The following GULP1 variants were observed in gnomAD, a reference collection of about 807,000 sequenced individuals.
The protein encoded by GULP1 is PTB domain-containing engulfment adapter protein 1.
In GULP1, 19 loss-of-function variants were observed where a neutral mutation model predicts 40.9. The observed-to-expected ratio is 0.46, with a 90% CI of 0.32 to 0.68. The LOEUF is 0.68. GULP1 is among the 30% of genes least tolerant of loss of function. The probability of loss-of-function intolerance (pLI) is 0.03; values close to 1 mark genes in which losing one functional copy is unlikely to be tolerated. For missense variants in GULP1, 312 were observed against 362.2 expected (o/e 0.86, Z 1.12); for synonymous variants, 119 against 117.6 (o/e 1.01, Z -0.08).
chr2:188,314,346 A>C (rs531106218), intron 1 of GULP1, among the ~76,000 whole-genome samples: 1 of 152,136 alleles, frequency 6.6e-6, no homozygotes, highest in African/African-American at 2.4e-5. Context: ...TCTCCTGTGC[A>C]AATTTTTTCT....
chr2:188,335,978 G>A (rs1264241760), intron 1 of GULP1, among the ~76,000 whole-genome samples: 3 of 152,066 alleles, frequency 2.0e-5, no homozygotes, highest in African/African-American at 7.2e-5. Context: ...CTCAGATATG[G>A]ATATCATTGT....
intron 2 of GULP1, among the ~76,000 whole-genome samples, chr2:188,431,247 A>G (rs1484342350): frequency 6.6e-6 from 1 of 152,194 alleles, no homozygotes; most frequent in East Asian, 1.9e-4. Flanking sequence ...AACCTTCAAA[A>G]TAAAACATTT....
At chr2:188,400,019 A>G (rs1314367323) in intron 2 of GULP1, among the ~76,000 whole-genome samples, 1 of 152,176 alleles carries the variant, frequency 6.6e-6, no homozygotes, top group Non-Finnish European at 1.5e-5. Flanking sequence ...GGAGGCATAG[A>G]ACTATAAACA....
At chr2:188,333,264 G>A (rs549299895) in intron 1 of GULP1, among the ~76,000 whole-genome samples, 4 of 151,692 alleles carry the variant, frequency 2.6e-5, no homozygotes, top group Non-Finnish European at 4.4e-5. Context: ...AAAAAATTTG[G>A]CAGGTATACT....
chr2:188,513,952 C>G (rs1265050963), intron 4 of GULP1, among the ~76,000 whole-genome samples: 1 of 151,386 alleles, frequency 6.6e-6, no homozygotes. Context: ...CCCATATCTG[C>G]GTGGGTTTTC....
intron 4 of GULP1, among the ~76,000 whole-genome samples, chr2:188,519,132 A>C (rs564117894): frequency 6.6e-6 from 1 of 152,316 alleles, no homozygotes; most frequent in Admixed American, 6.5e-5. Context: ...ACATTACATA[A>C]GAAAAAGTTG....
chr2:188,533,714 A>C (rs1429396784), intron 6 of GULP1, among the ~76,000 whole-genome samples: 2 of 152,182 alleles, frequency 1.3e-5, no homozygotes, highest in Non-Finnish European at 2.9e-5. Context: ...GGGATAAAGT[A>C]TTTGCAAACT....
intron 1 of GULP1, among the ~76,000 whole-genome samples, chr2:188,375,084 C>T (rs896132012): frequency 6.6e-6 from 1 of 152,184 alleles, no homozygotes; most frequent in African/African-American, 2.4e-5. Context: ...ATCTCTGAGA[C>T]TGTTTCCTCA....
intron 1 of GULP1, among the ~76,000 whole-genome samples, chr2:188,355,229 C>A (rs1040161916): frequency 9.9e-5 from 15 of 151,558 alleles, no homozygotes; most frequent in East Asian, 1.9e-4. Context: ...TAAAAAAGAT[C>A]AATGAAATGG....
intron 4 of GULP1, among the ~76,000 whole-genome samples, chr2:188,518,988 G>T (rs1238817223): frequency 6.6e-6 from 1 of 152,040 alleles, no homozygotes; most frequent in Non-Finnish European, 1.5e-5. Flanking sequence ...AAGTATTTTA[G>T]ATAGGTGTAA....
intron 1 of GULP1, among the ~76,000 whole-genome samples, chr2:188,381,645 A>C (rs933303457): frequency 6.6e-6 from 1 of 152,166 alleles, no homozygotes; most frequent in African/African-American, 2.4e-5. Context: ...TCAAAAGAAA[A>C]ATGGAAAAAC....
chr2:188,340,050 G>A (rs2042759391), intron 1 of GULP1, among the ~76,000 whole-genome samples: 1 of 152,138 alleles, frequency 6.6e-6, no homozygotes, highest in South Asian at 2.1e-4. Flanking sequence ...ATTGTTTTTT[G>A]TATTAAAATA....
intron 2 of GULP1, among the ~76,000 whole-genome samples, chr2:188,456,459 G>A (rs1030738359): frequency 1.3e-5 from 2 of 152,304 alleles, no homozygotes; most frequent in Non-Finnish European, 2.9e-5. Context: ...GCTTCAGAGG[G>A]TGCAAACTTA....
At chr2:188,456,492 G>A (rs2059278042) in intron 2 of GULP1, among the ~76,000 whole-genome samples, 1 of 152,198 alleles carries the variant, frequency 6.6e-6, no homozygotes, top group Non-Finnish European at 1.5e-5. Flanking sequence ...CTTCCACATG[G>A]TGTTGAGCCT....
chr2:188,484,508 A>G (rs1162250468), intron 4 of GULP1, among the ~76,000 whole-genome samples: 3 of 152,166 alleles, frequency 2.0e-5, no homozygotes, highest in Non-Finnish European at 2.9e-5. Flanking sequence ...TTTAAAAGCA[A>G]CTGAACTTTG....
intron 1 of GULP1, among the ~76,000 whole-genome samples, chr2:188,313,606 T>G (rs1026157245): frequency 2.2e-4 from 34 of 151,728 alleles, no homozygotes; most frequent in African/African-American, 8.0e-4. Flanking sequence ...GGGTGTTCTT[T>G]GATTGACCAT....
chr2:188,562,067 A>G (rs1056596252), intron 7 of GULP1, among the ~76,000 whole-genome samples: 3 of 152,028 alleles, frequency 2.0e-5, no homozygotes, highest in African/African-American at 4.8e-5. Context: ...AAGTTTCCCT[A>G]ATGCCTCAGC....
At chr2:188,496,131 G>A (rs1479585293) in intron 4 of GULP1, among the ~76,000 whole-genome samples, 1 of 152,002 alleles carries the variant, frequency 6.6e-6, no homozygotes, top group South Asian at 2.1e-4. Context: ...TTTAGATTCA[G>A]AGAAGCATGA....
rs542698952 is a variant in GULP1, at chr2:188,578,609, A to G, written c.610-5656A>G. On this transcript the variant is annotated intron_variant, in intron 9 of 11. Coordinates refer to ENST00000409830, the MANE Select transcript of GULP1 (RefSeq NM_016315.4). The stretch of plus-strand genomic sequence containing the variant: ...TCTCAAACATGGACACTCATTATTA[A>G]TATATCTGAATAACCTAACAACTTC... 6.6e-5 allele frequency among the ~76,000 whole-genome samples: 10 copies of G among 152,200 alleles called. 1 individual carries two copies. The South Asian group carries it at 2.1e-3, about 32-fold the overall frequency.
Sources: allele counts gnomAD v4.1 joint callset (sites outside exome capture counted in the v4.1 genomes callset), GRCh38; gene constraint gnomAD v4.1.1; transcripts MANE v1.5; gene names NCBI Gene and HGNC (gene_info 2026-07-23, HGNC 2026-07-21).